The following CCDC192 variants were observed in gnomAD, a reference collection of about 807,000 sequenced individuals.
CCDC192 encodes coiled-coil domain-containing protein 192.
intron 2 of CCDC192, among the ~76,000 whole-genome samples, chr5:127,710,176 G>A (rs1751240945): frequency 6.6e-6 from 1 of 152,104 alleles, no homozygotes; most frequent in Admixed American, 6.5e-5. Flanking sequence ...GCTGGAGGGA[G>A]TTGGGATTAG....
At chr5:127,818,169 C>T (rs1001081945) in intron 5 of CCDC192, among the ~76,000 whole-genome samples, 9 of 152,148 alleles carry the variant, frequency 5.9e-5, no homozygotes, top group Non-Finnish European at 1.3e-4. Context: ...CCTGCTTGCA[C>T]TCTGGAATAA....
chr5:127,751,760 C>T (rs919063779), intron 2 of CCDC192, among the ~76,000 whole-genome samples: 6 of 152,138 alleles, frequency 3.9e-5, no homozygotes, highest in East Asian at 1.9e-4. Flanking sequence ...ACCAATCAGA[C>T]GTAGATTTGG....
chr5:127,816,977 T>G (rs555941006), intron 5 of CCDC192, among the ~76,000 whole-genome samples: 4 of 152,240 alleles, frequency 2.6e-5, no homozygotes, highest in Non-Finnish European at 5.9e-5. Context: ...TCTTTAAACC[T>G]TGTCCTTCAA....
At chr5:127,912,600 G>T (rs928722501) in intron 6 of CCDC192, among the ~76,000 whole-genome samples, 7 of 152,090 alleles carry the variant, frequency 4.6e-5, no homozygotes, top group Non-Finnish European at 1.0e-4. Flanking sequence ...GGCAAGGGAG[G>T]CAGCCTCTTA....
intron 2 of CCDC192, among the ~76,000 whole-genome samples, chr5:127,733,407 T>C (rs1301174188): frequency 2.0e-5 from 3 of 152,138 alleles, no homozygotes; most frequent in African/African-American, 7.2e-5. Context: ...GGAGTTATCA[T>C]CTCCTCCATT....
chr5:127,912,772 A>G (rs1296950120), intron 6 of CCDC192, among the ~76,000 whole-genome samples: 1 of 152,222 alleles, frequency 6.6e-6, no homozygotes, highest in Non-Finnish European at 1.5e-5. Flanking sequence ...TCAACTCTCA[A>G]TGAGTTCCAC....
intron 5 of CCDC192, among the ~76,000 whole-genome samples, chr5:127,854,236 T>G: frequency 6.6e-6 from 1 of 152,192 alleles, no homozygotes; most frequent in African/African-American, 2.4e-5. Flanking sequence ...ATTTTTTCTC[T>G]TTTCACTCTC....
chr5:127,726,586 G>A (rs990930191), intron 2 of CCDC192, among the ~76,000 whole-genome samples: 1 of 152,196 alleles, frequency 6.6e-6, no homozygotes, highest in Admixed American at 6.5e-5. Context: ...GTGGGTGCTG[G>A]GGAGGCTGGG....
intron 6 of CCDC192, among the ~76,000 whole-genome samples, chr5:127,918,782 C>T (rs993930953): frequency 6.6e-5 from 10 of 151,864 alleles, no homozygotes; most frequent in African/African-American, 1.9e-4. Flanking sequence ...CATGCTTATA[C>T]GTTTGTCTGT....
intron 5 of CCDC192, among the ~76,000 whole-genome samples, chr5:127,864,173 T>C (rs1417344458): frequency 6.6e-6 from 1 of 152,248 alleles, no homozygotes; most frequent in Non-Finnish European, 1.5e-5. Flanking sequence ...TTGAGTTTTC[T>C]GGGTCAGGAC....
At chr5:127,924,631 C>A (rs1201476687) in intron 6 of CCDC192, among the ~76,000 whole-genome samples, 6 of 152,218 alleles carry the variant, frequency 3.9e-5, no homozygotes, top group Non-Finnish European at 7.3e-5. Flanking sequence ...TGGGACAAGA[C>A]TTCCATGGAC....
intron 1 of CCDC192, among the ~76,000 whole-genome samples, chr5:127,705,257 G>GA (rs1334485393): frequency 2.6e-5 from 4 of 152,136 alleles, no homozygotes; most frequent in African/African-American, 9.7e-5. Flanking sequence ...CTGAGGCCAT[G>GA]ACTCATGACC....
intron 2 of CCDC192, among the ~76,000 whole-genome samples, chr5:127,752,124 C>T (rs1417194470): frequency 1.3e-5 from 2 of 152,232 alleles, no homozygotes. Context: ...TCATCAAAGT[C>T]ATTCTCCATC....
intron 5 of CCDC192, among the ~76,000 whole-genome samples, chr5:127,854,147 A>G (rs775589101): frequency 1.7e-4 from 26 of 152,122 alleles, no homozygotes; most frequent in Non-Finnish European, 3.8e-4. Context: ...CCATCCTTCC[A>G]TTCATTCTCT....
intron 6 of CCDC192, among the ~76,000 whole-genome samples, chr5:127,937,476 GTC>G (rs1450478807): frequency 6.6e-6 from 1 of 152,128 alleles, no homozygotes; most frequent in Non-Finnish European, 1.5e-5. Context: ...AGAGGTTTTG[GTC>G]TCTCTCTTTC....
intron 5 of CCDC192, among the ~76,000 whole-genome samples, chr5:127,867,774 C>T (rs1751674080): frequency 1.3e-5 from 2 of 152,164 alleles, no homozygotes; most frequent in Admixed American, 6.5e-5. Context: ...CTTTGCTATG[C>T]TCAGCTGGTA....
chr5:127,799,778 C>G (rs1473255592), intron 5 of CCDC192, among the ~76,000 whole-genome samples: 2 of 152,112 alleles, frequency 1.3e-5, no homozygotes, highest in Non-Finnish European at 2.9e-5. Context: ...AGAATTGCTT[C>G]CCTGTATTAG....
At chr5:127,857,268 G>T (rs1751142354) in intron 5 of CCDC192, among the ~76,000 whole-genome samples, 2 of 152,068 alleles carry the variant, frequency 1.3e-5, no homozygotes, top group African/African-American at 4.8e-5. Flanking sequence ...AGTCCTTCCA[G>T]TTGTAAGCTG....
chr5:127,929,148 G>A (rs1753948885), intron 6 of CCDC192, among the ~76,000 whole-genome samples: 1 of 152,166 alleles, frequency 6.6e-6, no homozygotes, highest in Non-Finnish European at 1.5e-5. Flanking sequence ...CACTTGGCTG[G>A]TACTGGTAGC....
Sources: gnomAD v4.1 joint callset for allele counts (sites outside exome capture counted in the v4.1 genomes callset) on GRCh38, gnomAD v4.1.1 for gene constraint, MANE v1.5 for transcripts, NCBI Gene and HGNC (gene_info 2026-07-23, HGNC 2026-07-21) for gene names.